Variants in PPP2R3B observed in about 807,000 individuals in gnomAD.
PPP2R3B encodes the protein protein phosphatase 2 regulatory subunit B''beta, also known as serine/threonine-protein phosphatase 2A regulatory subunit B'' subunit beta.
In PPP2R3B, 68 loss-of-function variants were observed where a neutral mutation model predicts 72.9. The observed-to-expected ratio is 0.93, with a 90% CI of 0.77 to 1.14. The LOEUF is 1.14. Among genes scored for constraint, PPP2R3B ranks in the 50% most tolerant of loss-of-function variants. The pLI is 0.00. For missense variants in PPP2R3B, 1,018 were observed against 842.0 expected (o/e 1.21, Z -2.59); for synonymous variants, 466 against 375.8 (o/e 1.24, Z -2.78).
chrX:340,349 G>C (rs1258303800), intron 10 of PPP2R3B, among the ~76,000 whole-genome samples: 1 of 151,456 alleles, frequency 6.6e-6, no homozygotes, highest in African/African-American at 2.4e-5. Flanking sequence ...GCCCCGAATA[G>C]GAGGTTCTTG....
At chrX:345,074 C>G (rs62581481) in intron 7 of PPP2R3B, 1 of 431,254 alleles carries the variant, frequency 2.3e-6, no homozygotes, top group South Asian at 1.7e-5. Context: ...CCGGCTCCCG[C>G]GGAGGTATAT....
At chrX:347,957 G>A (rs1418182457) in intron 2 of PPP2R3B, 1 of 429,912 alleles carries the variant, frequency 2.3e-6, no homozygotes, top group South Asian at 5.3e-5. Flanking sequence ...AACCAGAGGC[G>A]GCTGCATCCC....
rs2070977418 is a variant in PPP2R3B at position 339,010 on chromosome X, G to C, written c.1352-114C>G. On this transcript the variant is annotated intron_variant, in intron 10 of 12. Coordinates refer to ENST00000390665, the MANE Select transcript of PPP2R3B (RefSeq NM_013239.5). ...CTTAAGGACGCGGCACGAAGCTCCGGGCTCTCACGCCACGTGTTTGACGTG... is the reference window on the plus strand; with the variant it reads ...CTTAAGGACGCGGCACGAAGCTCCGCGCTCTCACGCCACGTGTTTGACGTG... 22 of 855,132 alleles carry C rather than the reference G, an allele frequency of 2.6e-5. No homozygotes were observed. The East Asian group carries it at 3.2e-4, about 12-fold the overall frequency. 53.0% of individuals were successfully genotyped at this position (855,132 alleles called of 1,614,324 possible).
intron 7 of PPP2R3B, among the ~76,000 whole-genome samples, chrX:344,438 C>T (rs1381800254): frequency 3.3e-5 from 5 of 152,226 alleles, no homozygotes; most frequent in African/African-American, 1.2e-4. Context: ...GTCCCTGGGA[C>T]GCACGAGCCA....
In PPP2R3B at chrX:341,745, G is replaced by A. The variant is rs768501156; in HGVS notation, c.1085+138C>T. ...CTAGGGATTCACGTGACAGAGACAC[G>A]TGCCCCCCTCGCCAGGGCCTGGGGT... On this transcript the variant is annotated intron_variant, in intron 8 of 12. Coordinates refer to ENST00000390665, the MANE Select transcript of PPP2R3B (RefSeq NM_013239.5). 51 of 937,958 alleles carry A rather than the reference G, an allele frequency of 5.4e-5. No homozygotes were observed. In the East Asian group the frequency reaches 9.4e-4, roughly 17 times the overall value. The allele number at this position is 937,958 out of a possible 1,614,324, so 58.1% of individuals were successfully genotyped here.
At chrX:381,201 T>C (rs759947967) in intron 1 of PPP2R3B, among the ~76,000 whole-genome samples, 1 of 152,244 alleles carries the variant, frequency 6.6e-6, no homozygotes, top group South Asian at 2.1e-4. Flanking sequence ...AGTGCTGGGA[T>C]TGAGCCACTG....
intron 7 of PPP2R3B, 163 bp from the exon 8 acceptor site, chrX:342,094 G>C (rs2071092398): frequency 2.6e-6 from 2 of 765,128 alleles, no homozygotes; most frequent in Non-Finnish European, 2.3e-6. Context: ...CCCATCCTAG[G>C]GGCCCACCAC....
chrX:347,349 G>C lies in PPP2R3B; in HGVS notation c.615-13C>G. 2 of 1,612,746 alleles carry C rather than the reference G, an allele frequency of 1.2e-6. No individual in the cohort carries two copies. Among genetic ancestry groups the C allele is most frequent in the Non-Finnish European group, 1.7e-6 (2 of 1,178,888 alleles). On this transcript the variant is annotated splice_polypyrimidine_tract_variant and intron_variant, in intron 3 of 12. Coordinates refer to ENST00000390665, the MANE Select transcript of PPP2R3B (RefSeq NM_013239.5). ...GTTCTGGAGGATTCTGGAAGGACAG[G>C]ATGACTGGGCACCACCCTCACAGGG...
chrX:384,439 G>C (rs1395400117), intron 1 of PPP2R3B, among the ~76,000 whole-genome samples: 2 of 151,772 alleles, frequency 1.3e-5, no homozygotes, highest in Non-Finnish European at 2.9e-5. Context: ...TGAGACTTCA[G>C]GTGCGCCACC....
At chrX:346,545 C>T (rs2071218451) in intron 5 of PPP2R3B, 156 bp downstream of exon 5, 9 of 732,950 alleles carry the variant, frequency 1.2e-5, no homozygotes, top group South Asian at 5.6e-5. Flanking sequence ...ACCGGGCTCC[C>T]GGGCGGGTGG....
At chrX:342,327 T>A (rs375319811) in intron 7 of PPP2R3B, 15 of 183,586 alleles carry the variant, frequency 8.2e-5, no homozygotes, top group South Asian at 7.0e-4. Flanking sequence ...GAGGCGGGAG[T>A]GAGACCTCAG....
At chrX:364,605 C>G (rs909167434) in intron 1 of PPP2R3B, among the ~76,000 whole-genome samples, 1 of 148,246 alleles carries the variant, frequency 6.7e-6, no homozygotes, top group Non-Finnish European at 1.5e-5. Context: ...GTACTCCCAG[C>G]TACTCGGGAG....
intron 2 of PPP2R3B, among the ~76,000 whole-genome samples, chrX:351,041 TGC>T (rs1344366066): frequency 6.6e-6 from 1 of 152,032 alleles, no homozygotes; most frequent in Non-Finnish European, 1.5e-5. Flanking sequence ...CAGAGGGGGC[TGC>T]GCGCCACAGC....
chrX:347,528 C>T (rs1252228789), intron 3 of PPP2R3B, 62 bp downstream of exon 3: 1 of 1,508,040 alleles, frequency 6.6e-7, no homozygotes, highest in East Asian at 2.4e-5. Context: ...GTCCTGGCAC[C>T]ACGGGGACCC....
chrX:347,678 G>A lies in PPP2R3B; in HGVS notation c.526C>T (p.Leu176Phe), dbSNP rs1487337864. ...GLVAKACGCP[L>F]YWKGPLFYGA... Reference sequence around the variant, plus strand: ...TAGAAGAGCGGCCCCTTCCAGTAGAGGGGGCAGCCGCAGGCCTGGGGCAGA... The same window carrying A: ...TAGAAGAGCGGCCCCTTCCAGTAGAAGGGGCAGCCGCAGGCCTGGGGCAGA... Residue 176 changes from leucine (L) to phenylalanine (F), a missense_variant, in exon 3 of 13, where the codon CTC (leucine) becomes TTC (phenylalanine). Leu to Phe is a conservative substitution (Grantham distance 22). Coordinates refer to ENST00000390665, the MANE Select transcript of PPP2R3B (RefSeq NM_013239.5). 7.1e-6 allele frequency: 11 copies of A among 1,542,970 alleles called. No homozygotes were observed. The highest frequency in any genetic ancestry group is 4.8e-5 in the South Asian group (4 of 83,432).
At chrX:362,539 G>A (rs771685009) in intron 1 of PPP2R3B, among the ~76,000 whole-genome samples, 21 of 150,762 alleles carry the variant, frequency 1.4e-4, no homozygotes, top group African/African-American at 5.1e-4. Flanking sequence ...ACTACTCAGG[G>A]GACAGGGCTG....
At chrX:344,932 A>G (rs1175934278) in intron 7 of PPP2R3B, 11 of 345,712 alleles carry the variant, frequency 3.2e-5, no homozygotes, top group Non-Finnish European at 5.1e-5. Flanking sequence ...TTTGGGGTAA[A>G]AAGCACACTT....
At chrX:338,433 C>T in intron 12 of PPP2R3B, 171 bp downstream of exon 12, 1 of 683,072 alleles carries the variant, frequency 1.5e-6, no homozygotes, top group Middle Eastern at 4.0e-4. Flanking sequence ...CTGTCCTTAC[C>T]TCACCGGCCC....
At chrX:349,437 G>A (rs916376604) in intron 2 of PPP2R3B, among the ~76,000 whole-genome samples, 41 of 152,224 alleles carry the variant, frequency 2.7e-4, no homozygotes. Context: ...TGCTCAGACA[G>A]CGATGACACA....
Sources: allele counts gnomAD v4.1 joint callset (sites outside exome capture counted in the v4.1 genomes callset), GRCh38; gene constraint gnomAD v4.1.1; transcripts MANE v1.5; gene names NCBI Gene and HGNC (gene_info 2026-07-23, HGNC 2026-07-21).